RYR3: variants seen among roughly 807,000 people sequenced by gnomAD.
RYR3 encodes the protein ryanodine receptor 3, also known as brain ryanodine receptor-calcium release channel.
In RYR3, 207 loss-of-function variants were observed where a neutral mutation model predicts 584.3. The ratio of observed to expected loss-of-function variants is 0.35; its 90% CI spans 0.32 to 0.40. The LOEUF (loss-of-function observed/expected upper bound fraction) is 0.40. Ranked by LOEUF, RYR3 falls within the 10% of genes least tolerant of loss-of-function variation. The pLI is 1.00. For missense variants in RYR3, 5,616 were observed against 6,089.2 expected (o/e 0.92, Z 2.59); for synonymous variants, 2,416 against 2,248.5 (o/e 1.07, Z -2.11).
chr15:33,675,686 C>T (rs2064132833), intron 38 of RYR3, among the ~76,000 whole-genome samples: 2 of 152,186 alleles, frequency 1.3e-5, no homozygotes, highest in African/African-American at 4.8e-5. Context: ...ATAAGCATTA[C>T]ATTAGTTAAT....
intron 89 of RYR3, 129 bp downstream of exon 89, chr15:33,839,087 A>G (rs1596938037): frequency 8.7e-7 from 1 of 1,146,084 alleles, no homozygotes; most frequent in Non-Finnish European, 1.2e-6. Context: ...CTGTGGTGTG[A>G]TTACGCTGAT....
At chr15:33,623,084 AGGT>A (rs2152600042) in intron 19 of RYR3, among the ~76,000 whole-genome samples, 1 of 152,266 alleles carries the variant, frequency 6.6e-6, no homozygotes, top group East Asian at 1.9e-4. Flanking sequence ...GCACTGCAGG[AGGT>A]GGGCCAGGGT....
chr15:33,661,413 C>T (rs2152704772), intron 34 of RYR3, among the ~76,000 whole-genome samples: 1 of 152,270 alleles, frequency 6.6e-6, no homozygotes, highest in South Asian at 2.1e-4. Context: ...TGTTTGTTTT[C>T]AGGTCGTTGG....
intron 1 of RYR3, among the ~76,000 whole-genome samples, chr15:33,422,169 C>T (rs759495809): frequency 1.3e-5 from 2 of 152,034 alleles, no homozygotes; most frequent in Non-Finnish European, 2.9e-5. Flanking sequence ...GGGGGTGATC[C>T]TTTGAGGCTT....
intron 27 of RYR3, among the ~76,000 whole-genome samples, chr15:33,636,848 C>A (rs535776447): frequency 3.1e-4 from 47 of 152,220 alleles, no homozygotes; most frequent in East Asian, 1.3e-3. Context: ...CCCAGTATTA[C>A]AAAGAAAACA....
At chr15:33,472,443 G>A (rs1159304867) in intron 1 of RYR3, among the ~76,000 whole-genome samples, 1 of 152,220 alleles carries the variant, frequency 6.6e-6, no homozygotes, top group Non-Finnish European at 1.5e-5. Context: ...ACATGGAGGT[G>A]AGATGGGGCA....
At position 33,800,005 on chromosome 15, in the gene RYR3, A is replaced by G. The variant is rs913717744; in HGVS notation, c.9831-765A>G. On this transcript the variant is annotated intron_variant, in intron 67 of 103. Coordinates refer to ENST00000634891, the MANE Select transcript of RYR3 (RefSeq NM_001036.6). ...AACTCACCCAGCCCTTGGAAATATA[A>G]TTTAATTTGAATATGTAAGCTACTT... is the stretch of plus-strand genomic sequence containing the variant. 5.3e-5 allele frequency among the ~76,000 whole-genome samples: 8 copies of G among 152,326 alleles called. No homozygotes were observed. In the South Asian group the frequency reaches 1.0e-3, roughly 20 times the overall value.
In RYR3 at chr15:33,473,456, A is replaced by G. The variant is rs768998998; in HGVS notation, c.89A>G (p.His30Arg). The G allele has an allele frequency of 1.4e-5, 22 of 1,613,812 alleles. No individual in the cohort carries two copies. The highest frequency in any genetic ancestry group is 2.7e-5 in the African/African-American group (2 of 74,906). The change falls in exon 2 of 104, where the codon CAT (histidine) becomes CGT (arginine). Residue 30 changes from histidine (H) to arginine (R), a missense_variant. Physicochemically the swap from His to Arg is conservative, Grantham distance 29. Transcript: ENST00000634891. Reference protein sequence around the residue: ...EVVLQCIATIHKEQRKFCLAA... With the variant: ...EVVLQCIATIRKEQRKFCLAA... ...GTACTCCAGTGCATCGCCACCATTC[A>G]TAAGGAGCAGAGGAAGTTCTGCCTG...
chr15:33,692,759 G>A (rs556394408), intron 38 of RYR3, among the ~76,000 whole-genome samples: 94 of 152,178 alleles, frequency 6.2e-4, no homozygotes, highest in African/African-American at 2.2e-3. Flanking sequence ...GAGGCTAAAA[G>A]GGTGTTTTCT....
At chr15:33,755,875 T>C (rs1032682425) in intron 58 of RYR3, among the ~76,000 whole-genome samples, 3 of 152,058 alleles carry the variant, frequency 2.0e-5, no homozygotes, top group Non-Finnish European at 4.4e-5. Flanking sequence ...GTTCAAGCAA[T>C]TCTCCTGCCT....
intron 1 of RYR3, among the ~76,000 whole-genome samples, chr15:33,401,087 C>T (rs971337151): frequency 2.6e-5 from 4 of 152,108 alleles, no homozygotes; most frequent in Admixed American, 2.6e-4. Flanking sequence ...GAGCGAATGC[C>T]CTTCTTTAGC....
chr15:33,371,781 G>T (rs1158238280), intron 1 of RYR3, among the ~76,000 whole-genome samples: 1 of 152,144 alleles, frequency 6.6e-6, no homozygotes, highest in Non-Finnish European at 1.5e-5. Flanking sequence ...ATGTCTTGCT[G>T]GCTACAACAA....
intron 36 of RYR3, 62 bp from the exon 37 acceptor site, chr15:33,669,292 G>A (rs1596067998): frequency 7.5e-7 from 1 of 1,330,590 alleles, no homozygotes; most frequent in East Asian, 2.3e-5. Flanking sequence ...TCTAAGGCAG[G>A]ATCTGAGTTC....
chr15:33,537,770 A>G (rs2055452460), intron 5 of RYR3, among the ~76,000 whole-genome samples: 1 of 152,070 alleles, frequency 6.6e-6, no homozygotes, highest in Admixed American at 6.5e-5. Flanking sequence ...TCTAATCTCT[A>G]CTGTGTTAGG....
chr15:33,672,789 A>G (rs1025337893), intron 38 of RYR3, among the ~76,000 whole-genome samples: 5 of 152,234 alleles, frequency 3.3e-5, no homozygotes, highest in South Asian at 2.1e-4. Context: ...TAGAAACGTT[A>G]TACAATGAAT....
chr15:33,400,552 A>G (rs1302058381), intron 1 of RYR3, among the ~76,000 whole-genome samples: 1 of 152,198 alleles, frequency 6.6e-6, no homozygotes, highest in African/African-American at 2.4e-5. Context: ...GCTGAGTTCT[A>G]TCACTGATTT....
At chr15:33,465,951 C>T (rs1441252313) in intron 1 of RYR3, among the ~76,000 whole-genome samples, 1 of 151,990 alleles carries the variant, frequency 6.6e-6, no homozygotes, top group Non-Finnish European at 1.5e-5. Flanking sequence ...ATAGAGTTGC[C>T]AATGTTCTGA....
At position 33,662,854 on chromosome 15, in the gene RYR3, AGGAGAAGGCTGTGGAGGCTGG is replaced by A. The variant is rs1270096757; in HGVS notation, c.5334_5354del (p.Val1779_Ala1785del). On this transcript the variant is annotated inframe_deletion, in exon 35 of 104. Transcript: ENST00000634891. ...GAAAAGGAGGAAGTGACCCAGGTGG[AGGAGAAGGCTGTGGAGGCTGG>A]GGAGAAGGCCGGCAAGGAGGCTCCT... is the stretch of plus-strand genomic sequence containing the variant. 1 of 1,613,810 alleles carries A rather than the reference AGGAGAAGGCTGTGGAGGCTGG, an allele frequency of 6.2e-7. No individual in the cohort carries two copies. Among genetic ancestry groups the A allele is most frequent in the Admixed American group, 1.7e-5 (1 of 60,006 alleles).
intron 70 of RYR3, among the ~76,000 whole-genome samples, chr15:33,809,014 C>A (rs1391462560): frequency 1.3e-5 from 2 of 152,150 alleles, no homozygotes; most frequent in African/African-American, 4.8e-5. Context: ...TTGCAGCCGC[C>A]ACAAGTGCTG....
Sources: allele counts gnomAD v4.1 joint callset (sites outside exome capture counted in the v4.1 genomes callset), GRCh38; gene constraint gnomAD v4.1.1; transcripts MANE v1.5; gene names NCBI Gene and HGNC (gene_info 2026-07-23, HGNC 2026-07-21).